Variants in PCSK5 observed in about 807,000 individuals in gnomAD.
The protein encoded by PCSK5 is prohormone convertase 5.
In PCSK5, 129 loss-of-function variants were observed where a neutral mutation model predicts 233.2. That is an observed-to-expected ratio of 0.55 (90% CI 0.48 to 0.64). The LOEUF (loss-of-function observed/expected upper bound fraction) is 0.64, where lower values mean the gene tolerates loss of function less well. Among genes scored for constraint, PCSK5 ranks in the 30% least tolerant of loss-of-function variants. PCSK5 has a pLI of 0.00. For synonymous variants in PCSK5, 825 were observed against 879.2 expected, an observed-to-expected ratio of 0.94 and a Z score of 1.09; for missense variants, 2,076 against 2,430.1, an observed-to-expected ratio of 0.85 and a Z score of 3.06.
chr9:76,220,175 C>G (rs887648114), intron 20 of PCSK5, among the ~76,000 whole-genome samples: 1 of 152,178 alleles, frequency 6.6e-6, no homozygotes, highest in South Asian at 2.1e-4. Context: ...CATGATTTTC[C>G]TCATCCACAG....
At chr9:76,041,995 T>C (rs1829141672) in intron 5 of PCSK5, among the ~76,000 whole-genome samples, 2 of 152,242 alleles carry the variant, frequency 1.3e-5, no homozygotes, top group Admixed American at 1.3e-4. Context: ...TGATGAATAG[T>C]AGATACTCAA....
intron 2 of PCSK5, among the ~76,000 whole-genome samples, chr9:75,941,884 C>T (rs901571980): frequency 2.6e-5 from 4 of 152,208 alleles, no homozygotes; most frequent in Non-Finnish European, 4.4e-5. Context: ...TCAGATTGTA[C>T]GCTGCTGGAA....
chr9:75,991,421 C>G (rs1203132993), intron 3 of PCSK5, among the ~76,000 whole-genome samples: 1 of 152,130 alleles, frequency 6.6e-6, no homozygotes, highest in Non-Finnish European at 1.5e-5. Context: ...GCACAGCCTC[C>G]CCAGTTATCA....
At position 76,201,638 on chromosome 9, in the gene PCSK5, C is replaced by G. The variant is rs75602145; in HGVS notation, c.2626+11892C>G. ...ATTAATGTCCACCCAGGAGTACACA[C>G]TGTGGCTACATCATGCTTTGTGTGA... On this transcript the variant is annotated intron_variant, in intron 20 of 37. Transcript: ENST00000674117. Among the ~76,000 whole-genome samples, 57 of 152,298 alleles carry G rather than the reference C, an allele frequency of 3.7e-4. 1 individual carries two copies. The East Asian group carries it at 0.01, about 27-fold the overall frequency.
chr9:76,331,599 G>A (rs1031212241), intron 33 of PCSK5, among the ~76,000 whole-genome samples: 8 of 151,860 alleles, frequency 5.3e-5, no homozygotes, highest in African/African-American at 1.9e-4. Flanking sequence ...CCCGGAAGGT[G>A]GAGCTTGCAG....
At chr9:75,927,987 G>C (rs1320315072) in intron 1 of PCSK5, among the ~76,000 whole-genome samples, 1 of 152,174 alleles carries the variant, frequency 6.6e-6, no homozygotes, top group Non-Finnish European at 1.5e-5. Context: ...AGAAAGGATA[G>C]AGATAGGAAA....
intron 24 of PCSK5, among the ~76,000 whole-genome samples, chr9:76,267,472 C>T (rs1414952543): frequency 6.6e-6 from 1 of 152,072 alleles, no homozygotes; most frequent in African/African-American, 2.4e-5. Context: ...CTTCAGACCT[C>T]AGTGCCCCTG....
intron 20 of PCSK5, among the ~76,000 whole-genome samples, chr9:76,207,052 C>G (rs1564108170): frequency 6.6e-6 from 1 of 152,042 alleles, no homozygotes; most frequent in Non-Finnish European, 1.5e-5. Context: ...GCAGTAGCCT[C>G]GTTAAATCTC....
chr9:76,140,290 GAGCCTTTAA>G (rs1823156988), intron 10 of PCSK5, among the ~76,000 whole-genome samples: 1 of 152,046 alleles, frequency 6.6e-6, no homozygotes, highest in Non-Finnish European at 1.5e-5. Context: ...AAAATCTTAA[GAGCCTTTAA>G]ATTCTAGAAG....
chr9:76,093,349 C>A (rs1831378175), intron 7 of PCSK5, among the ~76,000 whole-genome samples: 1 of 151,994 alleles, frequency 6.6e-6, no homozygotes, highest in Non-Finnish European at 1.5e-5. Context: ...CCTGCCTTGG[C>A]CTCCCGAAGG....
Position 76,361,835 on chromosome 9 carries a change from G to A in PCSK5, c.*2913G>A, listed in dbSNP as rs1477215876. On this transcript the variant is annotated 3_prime_UTR_variant, in exon 38 of 38. Coordinates refer to ENST00000674117, the MANE Select transcript of PCSK5 (RefSeq NM_001372043.1). The stretch of plus-strand genomic sequence containing the variant: ...AATGGAAGACTTTCTCACCTCTGTG[G>A]TTGCAGTTAGCTTACAAAAACGAGC... 1 of 152,194 alleles carries A rather than the reference G, an allele frequency of 6.6e-6. No individual in the cohort carries two copies. The highest frequency in any genetic ancestry group is 1.5e-5 in the Non-Finnish European group (1 of 68,036). The allele number at this position is 152,194 out of a possible 1,614,324, so 9.4% of individuals were successfully genotyped here. A position where few individuals can be genotyped will look rare whatever the true frequency, so the allele number is the denominator to read the frequency against.
chr9:76,300,984 T>C (rs1221610064), intron 27 of PCSK5, among the ~76,000 whole-genome samples: 2 of 151,998 alleles, frequency 1.3e-5, no homozygotes, highest in Admixed American at 1.3e-4. Flanking sequence ...AAGAAAGCAA[T>C]ATTTGGGGCC....
chr9:76,046,175 T>TTTTTTTTTTTTTTG (rs1829376591), intron 5 of PCSK5, among the ~76,000 whole-genome samples: 1 of 112,540 alleles, frequency 8.9e-6, no homozygotes, highest in South Asian at 3.5e-4. Context: ...TTTTTTTTTT[T>TTTTTTTTTTTTTTG]TTTTTTTTTT....
intron 8 of PCSK5, among the ~76,000 whole-genome samples, chr9:76,103,244 C>T (rs945947603): frequency 6.6e-6 from 1 of 152,300 alleles, no homozygotes; most frequent in Middle Eastern, 3.4e-3. Flanking sequence ...AAACAGCTTT[C>T]TTGGCACAAT....
intron 34 of PCSK5, among the ~76,000 whole-genome samples, chr9:76,335,604 G>A (rs897379070): frequency 6.6e-6 from 1 of 152,046 alleles, no homozygotes; most frequent in Non-Finnish European, 1.5e-5. Context: ...AGCAAGCAGT[G>A]GTGTTGTACT....
At chr9:76,192,278 A>G (rs1199640675) in intron 20 of PCSK5, among the ~76,000 whole-genome samples, 1 of 152,138 alleles carries the variant, frequency 6.6e-6, no homozygotes, top group South Asian at 2.1e-4. Flanking sequence ...AAGTGGGAAA[A>G]GAAGAATCAT....
At chr9:76,341,343 G>A (rs1344385810) in intron 35 of PCSK5, among the ~76,000 whole-genome samples, 1 of 152,020 alleles carries the variant, frequency 6.6e-6, no homozygotes, top group African/African-American at 2.4e-5. Context: ...ATTTATTTAT[G>A]AGCATCTTAA....
intron 10 of PCSK5, among the ~76,000 whole-genome samples, chr9:76,146,772 A>G (rs1335305527): frequency 6.6e-6 from 1 of 152,166 alleles, no homozygotes; most frequent in Non-Finnish European, 1.5e-5. Flanking sequence ...GGATAAATAT[A>G]TAGTAGAAAG....
At chr9:75,910,560 T>G (rs1822680214) in intron 1 of PCSK5, among the ~76,000 whole-genome samples, 1 of 151,932 alleles carries the variant, frequency 6.6e-6, no homozygotes, top group Admixed American at 6.5e-5. Flanking sequence ...CTGGTAAGCT[T>G]CGTTAGAAAA....
Sources: allele counts gnomAD v4.1 joint callset (sites outside exome capture counted in the v4.1 genomes callset), GRCh38; gene constraint gnomAD v4.1.1; transcripts MANE v1.5; gene names NCBI Gene and HGNC (gene_info 2026-07-23, HGNC 2026-07-21).